Variants in COPS4 observed in about 807,000 individuals in gnomAD.
COPS4 encodes the protein COP9 signalosome complex subunit 4.
A neutral mutation model predicts 55.1 loss-of-function variants in COPS4; 8 were observed. That is an observed-to-expected ratio of 0.15 (90% confidence interval 0.09 to 0.26). COPS4 has a LOEUF of 0.26. Among genes scored for constraint, COPS4 ranks in the 10% least tolerant of loss-of-function variants. The pLI is 1.00. For synonymous variants in COPS4, 185 were observed against 165.7 expected (o/e 1.12, Z -0.90); for missense variants, 248 against 484.0 (o/e 0.51, Z 4.58).
intron 2 of COPS4, among the ~76,000 whole-genome samples, chr4:83,047,268 G>A (rs556210081): frequency 2.8e-4 from 42 of 152,302 alleles, no homozygotes; most frequent in Middle Eastern, 6.8e-3. Context: ...GGGCACGGTG[G>A]CTCATGCCTG....
rs1332329659 is a variant in COPS4 at position 83,045,617 on chromosome 4, T to A, written c.75-9T>A. ...CTCAGAACATTATTTTCATTTGGTA[T>A]TGTTGTAGGTATCGTCAGATCCTGG... is the stretch of plus-strand genomic sequence containing the variant. On this transcript the variant is annotated splice_polypyrimidine_tract_variant and intron_variant, in intron 1 of 9. Transcript: ENST00000264389. 1.9e-6 allele frequency: 3 copies of A among 1,601,308 alleles called. No individual in the cohort carries two copies. In the African/African-American group the frequency reaches 4.0e-5, roughly 21 times the overall value.
At chr4:83,054,659 A>G in intron 4 of COPS4, among the ~76,000 whole-genome samples, 1 of 152,186 alleles carries the variant, frequency 6.6e-6, no homozygotes, top group Admixed American at 6.5e-5. Flanking sequence ...TTTACCTAGC[A>G]TTTTTTCCCT....
chr4:83,062,990 A>G, intron 6 of COPS4, 86 bp from the exon 7 acceptor site: 1 of 1,166,838 alleles, frequency 8.6e-7, no homozygotes, highest in East Asian at 2.6e-5. Flanking sequence ...GTAGACAAAA[A>G]TGAGGTCATA....
intron 1 of COPS4, among the ~76,000 whole-genome samples, chr4:83,038,536 T>A (rs1464119543): frequency 6.6e-6 from 1 of 152,248 alleles, no homozygotes; most frequent in Non-Finnish European, 1.5e-5. Context: ...GTCTTCCTAC[T>A]GTTATTAAAT....
At chr4:83,074,608 G>A (rs1255500545) in intron 9 of COPS4, among the ~76,000 whole-genome samples, 2 of 149,930 alleles carry the variant, frequency 1.3e-5, no homozygotes, top group East Asian at 2.0e-4. Flanking sequence ...TATTACAGGC[G>A]CCCGCCACCA....
chr4:83,062,925 G>C (rs541114990), intron 6 of COPS4, 151 bp from the exon 7 acceptor site: 9 of 593,734 alleles, frequency 1.5e-5, no homozygotes, highest in South Asian at 1.0e-4. Flanking sequence ...ATTCAGCGTC[G>C]GCAGTGACTG....
chr4:83,056,587 A>G (rs1210832760), intron 4 of COPS4, among the ~76,000 whole-genome samples: 1 of 152,172 alleles, frequency 6.6e-6, no homozygotes, highest in African/African-American at 2.4e-5. Context: ...TCATGAGGTC[A>G]GGAGATCGAA....
chr4:83,048,205 A>G (rs530217163), intron 2 of COPS4, among the ~76,000 whole-genome samples: 1 of 152,338 alleles, frequency 6.6e-6, no homozygotes, highest in South Asian at 2.1e-4. Flanking sequence ...ATGAGGAAAC[A>G]GAAGCACAGA....
In COPS4 at chr4:83,042,951, C is replaced by T. The variant is rs537160982; in HGVS notation, c.75-2675C>T. On this transcript the variant is annotated intron_variant, in intron 1 of 9. Transcript: ENST00000264389. Reference sequence around the variant, plus strand: ...TTTTTGTAGAGATGAGGTTTCACCACATTGCCCAGGCTGGTCTTGAACTCC... The same window carrying T: ...TTTTTGTAGAGATGAGGTTTCACCATATTGCCCAGGCTGGTCTTGAACTCC... 6.1e-5 allele frequency among the ~76,000 whole-genome samples: 9 copies of T among 148,234 alleles called. No individual in the cohort carries two copies. The South Asian group carries it at 1.9e-3, about 32-fold the overall frequency.
chr4:83,051,630 G>A (rs1730891740), intron 4 of COPS4, among the ~76,000 whole-genome samples: 1 of 152,176 alleles, frequency 6.6e-6, no homozygotes, highest in South Asian at 2.1e-4. Context: ...GGAATATCAA[G>A]AGTTTCATTT....
intron 7 of COPS4, 100 bp downstream of exon 7, chr4:83,063,346 TA>T (rs1221164548): frequency 5.4e-6 from 4 of 740,776 alleles, no homozygotes; most frequent in Non-Finnish European, 6.1e-6. Flanking sequence ...TAATTCTACA[TA>T]ACACTTCCTC....
chr4:83,048,336 A>G (rs549711971), intron 2 of COPS4, among the ~76,000 whole-genome samples: 59 of 152,332 alleles, frequency 3.9e-4, no homozygotes, highest in African/African-American at 1.1e-3. Flanking sequence ...AATAATGTCA[A>G]TACATCTAGT....
chr4:83,072,241 C>G (rs935604885), intron 9 of COPS4, among the ~76,000 whole-genome samples: 7 of 152,044 alleles, frequency 4.6e-5, no homozygotes, highest in African/African-American at 7.3e-5. Context: ...CGCACCACCA[C>G]GCTCATGCAC....
intron 8 of COPS4, among the ~76,000 whole-genome samples, chr4:83,066,974 A>G (rs1348194030): frequency 1.3e-5 from 2 of 152,166 alleles, no homozygotes; most frequent in African/African-American, 4.8e-5. Context: ...AAGCAACCTT[A>G]CTTTTAGCTA....
At chr4:83,049,596 G>A (rs1425038592) in intron 3 of COPS4, 1 of 463,232 alleles carries the variant, frequency 2.2e-6, no homozygotes, top group African/African-American at 2.0e-5. Flanking sequence ...GAAAACACAG[G>A]AAAACTCCAG....
At chr4:83,036,018 A>G (rs1730407113) in intron 1 of COPS4, 2 of 152,460 alleles carry the variant, frequency 1.3e-5, no homozygotes, top group African/African-American at 4.8e-5. Flanking sequence ...AGTTGTCAAC[A>G]GTATTAAGCA....
intron 9 of COPS4, among the ~76,000 whole-genome samples, chr4:83,073,730 G>A (rs944614220): frequency 1.4e-4 from 22 of 151,958 alleles, no homozygotes; most frequent in East Asian, 1.9e-4. Context: ...TGAGGCGGGC[G>A]GATCACGAGG....
At position 83,069,582 on chromosome 4, in the gene COPS4, G is replaced by A. The variant is rs115975800; in HGVS notation, c.1087+1060G>A. Among the ~76,000 whole-genome samples the A allele has an allele frequency of 6.4e-3, 979 of 152,114 alleles. 11 individuals carry two copies. The highest frequency in any genetic ancestry group is 0.022 in the African/African-American group (927 of 41,502). On this transcript the variant is annotated intron_variant, in intron 9 of 9. Transcript: ENST00000264389. The stretch of plus-strand genomic sequence containing the variant: ...CTTTGCAATGACTATTTCAGGTTTG[G>A]TTTTTCTTAAATCTCTGACTTTTCT...
Position 83,066,481 on chromosome 4 carries a change from G to A in COPS4, c.930G>A (p.Leu310=). Residue 310 remains leucine, a synonymous_variant, in exon 8 of 10, where the codon TTG becomes TTA. Transcript: ENST00000264389. ...GAGCTGTTATTGAACACAATTTGTT[G>A]TCTGCAAGCAAATTATATAATAATA... The part of the protein sequence containing the change: ...LDRAVIEHNL[L]SASKLYNNIT... The A allele has an allele frequency of 6.2e-7, 1 of 1,600,636 alleles. No homozygotes were observed. The highest frequency in any genetic ancestry group is 8.5e-7 in the Non-Finnish European group (1 of 1,173,650).
Sources: allele counts gnomAD v4.1 joint callset (sites outside exome capture counted in the v4.1 genomes callset), GRCh38; gene constraint gnomAD v4.1.1; transcripts MANE v1.5; gene names NCBI Gene and HGNC (gene_info 2026-07-23, HGNC 2026-07-21).